GIPC2: variants seen among roughly 807,000 people sequenced by gnomAD.
The protein encoded by GIPC2 is GIPC PDZ domain containing family member 2.
A neutral mutation model predicts 30.6 loss-of-function variants in GIPC2; 30 were observed. The ratio of observed to expected loss-of-function variants is 0.98; its 90% CI spans 0.73 to 1.33. GIPC2 has a LOEUF of 1.33. Ranked by LOEUF, GIPC2 falls within the 40% of genes most tolerant of loss-of-function variation. The pLI, the probability that GIPC2 is intolerant of heterozygous loss-of-function variation, is 0.00. For synonymous variants in GIPC2, 167 were observed against 150.0 expected, an observed-to-expected ratio of 1.11 and a Z score of -0.83; for missense variants, 414 against 390.3, an observed-to-expected ratio of 1.06 and a Z score of -0.51.
chr1:78,118,780 A>G (rs1047414281), intron 3 of GIPC2, among the ~76,000 whole-genome samples: 1 of 152,148 alleles, frequency 6.6e-6, no homozygotes, highest in African/African-American at 2.4e-5. Flanking sequence ...TCTGGTTTGT[A>G]TCTGCAAGAC....
intron 3 of GIPC2, among the ~76,000 whole-genome samples, chr1:78,112,294 C>A (rs577801881): frequency 9.8e-5 from 15 of 152,316 alleles, no homozygotes; most frequent in African/African-American, 2.4e-4. Context: ...CTACAGTGTT[C>A]CCCCTTTACA....
In GIPC2 at chr1:78,127,474, A is replaced by G. The variant is rs539855721; in HGVS notation, c.796+1512A>G. On this transcript the variant is annotated intron_variant, in intron 5 of 5. Transcript: ENST00000370759. ...TTATCATGCCAGCTAAAACTGGCCC[A>G]TTTGGGGATTTGGCTATTACCTGTC... 3.3e-5 allele frequency among the ~76,000 whole-genome samples: 5 copies of G among 152,302 alleles called. No individual in the cohort carries two copies. The East Asian group carries it at 9.6e-4, about 29-fold the overall frequency.
intron 1 of GIPC2, among the ~76,000 whole-genome samples, chr1:78,067,024 T>G (rs1032635079): frequency 9.9e-5 from 15 of 152,196 alleles, no homozygotes; most frequent in Non-Finnish European, 1.9e-4. Context: ...TACCCCGAAC[T>G]TTAAATGAAA....
At chr1:78,084,633 C>T (rs1661893698) in intron 2 of GIPC2, among the ~76,000 whole-genome samples, 2 of 152,024 alleles carry the variant, frequency 1.3e-5, no homozygotes, top group Non-Finnish European at 1.5e-5. Flanking sequence ...AATATTTACT[C>T]ATTGTAGAGA....
chr1:78,046,470 G>A, intron 1 of GIPC2, 136 bp downstream of exon 1: 1 of 766,196 alleles, frequency 1.3e-6, no homozygotes, highest in Non-Finnish European at 2.1e-6. Context: ...TCCGCCGGGG[G>A]CGTCCCGGGG....
chr1:78,116,671 C>A (rs1350329316), intron 3 of GIPC2, among the ~76,000 whole-genome samples: 2 of 152,152 alleles, frequency 1.3e-5, no homozygotes, highest in Admixed American at 6.5e-5. Flanking sequence ...CATGTCCCTA[C>A]AAAGGACATG....
At chr1:78,091,751 A>C (rs984060963) in intron 2 of GIPC2, 1 of 776,164 alleles carries the variant, frequency 1.3e-6, no homozygotes, top group African/African-American at 1.7e-5. Context: ...ATTTGTTCTC[A>C]AGCACAAAGT....
In GIPC2 at chr1:78,083,685, T is replaced by G. The variant is rs74644283; in HGVS notation, c.426+2825T>G. ...TTTATGGTAGGGAAAAAGCTGCCCT[T>G]ATTTATTGTCAACATGGGTACATGA... On this transcript the variant is annotated intron_variant, in intron 2 of 5. Transcript: ENST00000370759. 5.9e-3 allele frequency among the ~76,000 whole-genome samples: 899 copies of G among 152,284 alleles called. 9 individuals are homozygous for G. The highest frequency in any genetic ancestry group is 0.021 in the African/African-American group (868 of 41,570).
chr1:78,048,981 T>C (rs1278186568), intron 1 of GIPC2, among the ~76,000 whole-genome samples: 1 of 152,176 alleles, frequency 6.6e-6, no homozygotes. Flanking sequence ...TTAGAAAAAG[T>C]TAATTATATG....
At chr1:78,101,594 T>C (rs1008706276) in intron 3 of GIPC2, among the ~76,000 whole-genome samples, 1 of 152,234 alleles carries the variant, frequency 6.6e-6, no homozygotes, top group Non-Finnish European at 1.5e-5. Context: ...GACTCCCTTG[T>C]TGAAAGTTTG....
chr1:78,069,725 C>T (rs1313791433), intron 1 of GIPC2, among the ~76,000 whole-genome samples: 1 of 152,122 alleles, frequency 6.6e-6, no homozygotes, highest in Non-Finnish European at 1.5e-5. Flanking sequence ...CTGCCTGCCT[C>T]AGCCTCCCAA....
intron 2 of GIPC2, among the ~76,000 whole-genome samples, chr1:78,081,881 T>A (rs2100348674): frequency 6.6e-6 from 1 of 152,322 alleles, no homozygotes; most frequent in African/African-American, 2.4e-5. Flanking sequence ...AAGACATTTT[T>A]AATGTACAGC....
intron 2 of GIPC2, among the ~76,000 whole-genome samples, chr1:78,086,988 C>T (rs1288422892): frequency 6.6e-6 from 1 of 152,162 alleles, no homozygotes; most frequent in East Asian, 1.9e-4. Context: ...GTGTTATTAG[C>T]TGGTTATTAT....
rs1030365721 is a variant in GIPC2, at chr1:78,091,481, T to C, written c.427-3471T>C. 28 of 662,722 alleles carry C rather than the reference T, an allele frequency of 4.2e-5. No homozygotes were observed. In the Middle Eastern group the frequency reaches 1.6e-3, roughly 37 times the overall value. 41.1% of individuals were successfully genotyped at this position (662,722 alleles called of 1,614,324 possible). ...GTGGCTGGCTCTACCTTCCCTGTTT[T>C]CACCTCCCGCTGCGCTAATGGCTCC... On this transcript the variant is annotated intron_variant, in intron 2 of 5. Transcript: ENST00000370759.
intron 4 of GIPC2, among the ~76,000 whole-genome samples, chr1:78,124,882 G>A (rs1042598600): frequency 9.9e-5 from 15 of 152,132 alleles, no homozygotes; most frequent in Non-Finnish European, 1.6e-4. Context: ...GGTGGCGCAC[G>A]CCTGTAATCC....
intron 1 of GIPC2, among the ~76,000 whole-genome samples, chr1:78,066,715 A>G (rs1348774909): frequency 3.3e-5 from 5 of 152,260 alleles, no homozygotes; most frequent in Non-Finnish European, 7.3e-5. Flanking sequence ...AAAAAGAACA[A>G]AATCATGCCC....
At chr1:78,128,828 AAAAC>A (rs1383753916) in intron 5 of GIPC2, among the ~76,000 whole-genome samples, 1 of 152,028 alleles carries the variant, frequency 6.6e-6, no homozygotes, top group Non-Finnish European at 1.5e-5. Flanking sequence ...CTCTACTAAA[AAAAC>A]AAAAACAAAA....
chr1:78,054,912 G>T (rs768862131), intron 1 of GIPC2, among the ~76,000 whole-genome samples: 4 of 152,130 alleles, frequency 2.6e-5, no homozygotes, highest in African/African-American at 2.4e-5. Context: ...CTACCTGTAG[G>T]TTAATAGCCA....
At chr1:78,046,997 A>G (rs564609377) in intron 1 of GIPC2, among the ~76,000 whole-genome samples, 1 of 152,334 alleles carries the variant, frequency 6.6e-6, no homozygotes, top group South Asian at 2.1e-4. Flanking sequence ...TTCATACTTA[A>G]TCACGTGGGA....
Sources: gnomAD v4.1 joint callset for allele counts (sites outside exome capture counted in the v4.1 genomes callset) on GRCh38, gnomAD v4.1.1 for gene constraint, MANE v1.5 for transcripts, NCBI Gene and HGNC (gene_info 2026-07-23, HGNC 2026-07-21) for gene names.